CADM2: variants seen among roughly 807,000 people sequenced by gnomAD.
The protein encoded by CADM2 is cell adhesion molecule 2, also known as immunoglobulin superfamily member 4D.
CADM2 carries 12 observed loss-of-function variants against 49.8 expected under a neutral mutation model. That is an observed-to-expected ratio of 0.24 (90% CI 0.15 to 0.39). The LOEUF (loss-of-function observed/expected upper bound fraction) is 0.39. Among genes scored for constraint, CADM2 ranks in the 10% least tolerant of loss-of-function variants. CADM2 has a pLI of 1.00. For missense variants in CADM2, 378 were observed against 492.3 expected (o/e 0.77, Z 2.20); for synonymous variants, 214 against 175.4 (o/e 1.22, Z -1.74).
chr3:85,981,085 G>T (rs1727422432), intron 8 of CADM2, among the ~76,000 whole-genome samples: 1 of 150,554 alleles, frequency 6.6e-6, no homozygotes, highest in Non-Finnish European at 1.5e-5. Context: ...TTCTTTGTGG[G>T]AAAATATTAC....
rs560745217 is a variant in CADM2 at position 85,288,797 on chromosome 3, C to G, written c.61+329129C>G. On this transcript the variant is annotated intron_variant, in intron 1 of 9. Transcript: ENST00000383699. Reference sequence around the variant, plus strand: ...CTTTACCAATATGCCCCCCCCCCCTCTTTTTTTCCATCATGGCTAATTTCT... The same window carrying G: ...CTTTACCAATATGCCCCCCCCCCCTGTTTTTTTCCATCATGGCTAATTTCT... Among the ~76,000 whole-genome samples the G allele has an allele frequency of 7.9e-5, 10 of 127,330 alleles. No homozygotes were observed. In the East Asian group the frequency reaches 2.9e-3, roughly 37 times the overall value. The allele number at this position is 127,330 out of a possible 152,430, so 83.5% of individuals were successfully genotyped here.
chr3:85,010,400 C>T (rs1026859409), intron 1 of CADM2, among the ~76,000 whole-genome samples: 2 of 152,090 alleles, frequency 1.3e-5, no homozygotes, highest in Non-Finnish European at 2.9e-5. Context: ...TATTTTATTG[C>T]GCACAGATGC....
At chr3:85,947,767 G>A (rs1017608882) in intron 7 of CADM2, among the ~76,000 whole-genome samples, 3 of 151,398 alleles carry the variant, frequency 2.0e-5, no homozygotes, top group African/African-American at 7.3e-5. Flanking sequence ...TGTTATTTAG[G>A]CTGGGCATGG....
chr3:85,214,785 A>C (rs1012251778), intron 1 of CADM2, among the ~76,000 whole-genome samples: 10 of 152,016 alleles, frequency 6.6e-5, no homozygotes, highest in Admixed American at 5.9e-4. Flanking sequence ...ATGTTCACTC[A>C]AGGCCCAGGG....
intron 1 of CADM2, among the ~76,000 whole-genome samples, chr3:85,697,829 T>C (rs537995205): frequency 6.6e-6 from 1 of 152,326 alleles, no homozygotes; most frequent in Non-Finnish European, 1.5e-5. Flanking sequence ...GGCTCAAAAT[T>C]ATAACACTTA....
chr3:85,682,683 C>T (rs921278168), intron 1 of CADM2, among the ~76,000 whole-genome samples: 1 of 151,918 alleles, frequency 6.6e-6, no homozygotes, highest in Admixed American at 6.6e-5. Flanking sequence ...TATTTGATAT[C>T]TTTTAATAGT....
chr3:85,558,097 G>GT (rs139210023), intron 1 of CADM2, among the ~76,000 whole-genome samples: 1,666 of 152,058 alleles, frequency 0.011, 33 homozygotes, highest in African/African-American at 0.038. Context: ...CTTCCTTGAT[G>GT]TGTGTGAGTC....
At chr3:85,441,837 A>G (rs562415538) in intron 1 of CADM2, among the ~76,000 whole-genome samples, 1 of 152,266 alleles carries the variant, frequency 6.6e-6, no homozygotes, top group African/African-American at 2.4e-5. Context: ...TGATTTAAAA[A>G]GAAACTTTAA....
intron 2 of CADM2, among the ~76,000 whole-genome samples, chr3:85,761,347 T>G (rs1004563172): frequency 6.6e-6 from 1 of 151,090 alleles, no homozygotes; most frequent in African/African-American, 2.5e-5. Context: ...GAATAAAAAC[T>G]GTTGATATAC....
intron 1 of CADM2, among the ~76,000 whole-genome samples, chr3:85,225,628 C>T (rs140219542): frequency 2.3e-3 from 355 of 152,278 alleles, no homozygotes; most frequent in African/African-American, 8.0e-3. Context: ...CAAGAACTTC[C>T]AATACTATAT....
At chr3:85,615,262 A>AAAGG (rs1470929267) in intron 1 of CADM2, among the ~76,000 whole-genome samples, 1 of 151,930 alleles carries the variant, frequency 6.6e-6, no homozygotes, top group Admixed American at 6.6e-5. Flanking sequence ...AAAGAAAGAA[A>AAAGG]AAGGAAGGAA....
chr3:85,486,816 G>C (rs542454944), intron 1 of CADM2, among the ~76,000 whole-genome samples: 1 of 152,232 alleles, frequency 6.6e-6, no homozygotes, highest in South Asian at 2.1e-4. Flanking sequence ...AGCTAAAAAA[G>C]ACCAAACTCT....
chr3:85,748,082 G>C (rs1320903472), intron 2 of CADM2, among the ~76,000 whole-genome samples: 9 of 151,988 alleles, frequency 5.9e-5, no homozygotes, highest in African/African-American at 1.7e-4. Flanking sequence ...AAATGCATGT[G>C]TGTGAAATTG....
At chr3:85,066,324 T>C (rs143184389) in intron 1 of CADM2, among the ~76,000 whole-genome samples, 1 of 151,394 alleles carries the variant, frequency 6.6e-6, no homozygotes, top group East Asian at 1.9e-4. Flanking sequence ...CCATGAGACA[T>C]GGTGGGTGGA....
intron 1 of CADM2, among the ~76,000 whole-genome samples, chr3:85,282,268 C>CTTT (rs563039552): frequency 1.0e-4 from 11 of 106,460 alleles, no homozygotes; most frequent in African/African-American, 3.2e-4. Flanking sequence ...TTTTTTTTGC[C>CTTT]TTTTTTTTTT....
Position 84,959,686 on chromosome 3 carries a change from G to T in CADM2, c.61+18G>T. ...GCTACAAGGTAATCCCCGCCCCGGCGCAGGGAACATCAACTTCTCGCCCAT... is the reference window on the plus strand; with the variant it reads ...GCTACAAGGTAATCCCCGCCCCGGCTCAGGGAACATCAACTTCTCGCCCAT... On this transcript the variant is annotated intron_variant, in intron 1 of 9. Coordinates refer to ENST00000383699, the MANE Select transcript of CADM2 (RefSeq NM_001167675.2). The T allele has an allele frequency of 4.6e-6, 7 of 1,535,976 alleles. No individual in the cohort carries two copies. The highest frequency in any genetic ancestry group is 2.4e-5 in the East Asian group (1 of 40,854).
chr3:85,085,421 A>G (rs542872747), intron 1 of CADM2, among the ~76,000 whole-genome samples: 1 of 152,020 alleles, frequency 6.6e-6, no homozygotes, highest in South Asian at 2.1e-4. Flanking sequence ...ATAGTATTCA[A>G]TTATATATAT....
At chr3:85,095,071 A>G (rs1331215596) in intron 1 of CADM2, among the ~76,000 whole-genome samples, 1 of 152,216 alleles carries the variant, frequency 6.6e-6, no homozygotes, top group Non-Finnish European at 1.5e-5. Flanking sequence ...TTTATAGAAT[A>G]TGGAAACTCA....
chr3:85,701,826 C>T (rs1479718211), intron 1 of CADM2, among the ~76,000 whole-genome samples: 1 of 151,288 alleles, frequency 6.6e-6, no homozygotes, highest in Non-Finnish European at 1.5e-5. Context: ...ACCTCTTTCA[C>T]TGGTATAAAT....
Sources: allele counts gnomAD v4.1 joint callset (sites outside exome capture counted in the v4.1 genomes callset), GRCh38; gene constraint gnomAD v4.1.1; transcripts MANE v1.5; gene names NCBI Gene and HGNC (gene_info 2026-07-23, HGNC 2026-07-21).